Variants in ANK1 observed in about 807,000 individuals in gnomAD.
ANK1 encodes the protein ankyrin-1.
A neutral mutation model predicts 210.4 loss-of-function variants in ANK1; 51 were observed. The observed-to-expected ratio is 0.24, with a 90% CI of 0.19 to 0.31. The LOEUF (loss-of-function observed/expected upper bound fraction) is 0.31, where lower values mean the gene tolerates loss of function less well. ANK1 is among the 10% of genes least tolerant of loss of function. The probability of loss-of-function intolerance (pLI) is 1.00; values close to 1 mark genes in which losing one functional copy is unlikely to be tolerated. For synonymous variants in ANK1, 967 were observed against 1,025.9 expected, an observed-to-expected ratio of 0.94 and a Z score of 1.10; for missense variants, 2,051 against 2,504.4, an observed-to-expected ratio of 0.82 and a Z score of 3.86.
At position 41,836,159 on chromosome 8, in the gene ANK1, G is replaced by A. The variant is rs543603394; in HGVS notation, c.126+60196C>T. Among the ~76,000 whole-genome samples, 53 of 152,356 alleles carry A rather than the reference G, an allele frequency of 3.5e-4. 1 individual carries two copies. Among genetic ancestry groups the A allele is most frequent in the Admixed American group, 7.2e-4 (11 of 15,308 alleles). On this transcript the variant is annotated intron_variant, in intron 1 of 42. Transcript: ENST00000265709. ...CACTCTGGGAGACTCCAACTAGGCC[G>A]GAAGTCCCCCAGAACCCACAGCATC...
At chr8:41,845,696 C>T (rs1019152924) in intron 1 of ANK1, among the ~76,000 whole-genome samples, 1 of 152,080 alleles carries the variant, frequency 6.6e-6, no homozygotes, top group East Asian at 1.9e-4. Flanking sequence ...TTTGCATAAA[C>T]GTGCATAAAT....
Position 41,693,854 on chromosome 8 carries a change from AC to A in ANK1, c.3532+43del, listed in dbSNP as rs1421640994. On this transcript the variant is annotated intron_variant, in intron 29 of 42. Coordinates refer to ENST00000289734, the MANE Select transcript of ANK1 (RefSeq NM_000037.4). Reference sequence around the variant, plus strand: ...CACCCCCCTACTGTGTTCCAGACGCACTGCAGCAGCCGAGAACAGAAGCGAG... The same window carrying A: ...CACCCCCCTACTGTGTTCCAGACGCATGCAGCAGCCGAGAACAGAAGCGAG... 8.3e-6 allele frequency: 13 copies of A among 1,562,042 alleles called. No individual in the cohort carries two copies. The African/African-American group carries it at 1.1e-4, about 13-fold the overall frequency.
At chr8:41,776,254 A>G (rs1844013670) in intron 1 of ANK1, among the ~76,000 whole-genome samples, 1 of 152,198 alleles carries the variant, frequency 6.6e-6, no homozygotes, top group Non-Finnish European at 1.5e-5. Context: ...TAATGTGGCC[A>G]TTCTCTCTAT....
intron 1 of ANK1, among the ~76,000 whole-genome samples, chr8:41,776,516 C>T (rs1342256772): frequency 1.3e-5 from 2 of 152,182 alleles, no homozygotes; most frequent in Non-Finnish European, 2.9e-5. Context: ...CTCCAGGGAG[C>T]TGGTGCTACG....
Position 41,686,348 on chromosome 8 carries a change from A to C in ANK1, c.4259-65T>G, listed in dbSNP as rs971034861. 3 of 1,607,844 alleles carry C rather than the reference A, an allele frequency of 1.9e-6. No homozygotes were observed. The African/African-American group carries it at 4.0e-5, about 22-fold the overall frequency. The stretch of plus-strand genomic sequence containing the variant: ...TCACCAACAGCAGGGGGCCTCCAGC[A>C]CACAGGCTGGGTGGGCACTGGGGCG... On this transcript the variant is annotated intron_variant, in intron 35 of 42. Coordinates refer to ENST00000289734, the MANE Select transcript of ANK1 (RefSeq NM_000037.4).
Position 41,797,279 on chromosome 8 carries a change from C to A in ANK1, c.27+233G>T, listed in dbSNP as rs1848926247. Among the ~76,000 whole-genome samples, 1 of 152,248 alleles carries A rather than the reference C, an allele frequency of 6.6e-6. No homozygotes were observed. Among genetic ancestry groups the A allele is most frequent in the Non-Finnish European group, 1.5e-5 (1 of 68,048 alleles). ...AGGTAGTTGGAACTCAATTTGACAGCAAATCTCTGGATGTAAAAAATATGA... is the reference window on the plus strand; with the variant it reads ...AGGTAGTTGGAACTCAATTTGACAGAAAATCTCTGGATGTAAAAAATATGA... On this transcript the variant is annotated intron_variant, in intron 1 of 42. Coordinates refer to ENST00000289734, the MANE Select transcript of ANK1 (RefSeq NM_000037.4). This position sits in a 1 kb window ranked among gnomAD's most constrained non-coding sequence, Gnocchi z 4.0.
intron 1 of ANK1, among the ~76,000 whole-genome samples, chr8:41,856,924 C>T (rs188796196): frequency 6.9e-6 from 1 of 144,628 alleles, no homozygotes; most frequent in Non-Finnish European, 1.5e-5. Context: ...CCCTGTTGCC[C>T]AGGCTGGAGT....
chr8:41,672,283 C>T, intron 38 of ANK1, 71 bp downstream of exon 38: 1 of 1,547,708 alleles, frequency 6.5e-7, no homozygotes. Context: ...TCTGTCCTCA[C>T]TGCCAGGCAT....
At chr8:41,845,996 A>G (rs1039544298) in intron 1 of ANK1, among the ~76,000 whole-genome samples, 1 of 152,138 alleles carries the variant, frequency 6.6e-6, no homozygotes, top group African/African-American at 2.4e-5. Flanking sequence ...TAGAAGTTTC[A>G]GATTTCAGTG....
At position 41,714,201 on chromosome 8, in the gene ANK1, G is replaced by A. The variant is rs1467760970; in HGVS notation, c.1755C>T (p.Val585=). The A allele has an allele frequency of 6.7e-7, 1 of 1,499,838 alleles. No individual in the cohort carries two copies. Among genetic ancestry groups the A allele is most frequent in the South Asian group, 1.4e-5 (1 of 71,350 alleles). The allele number at this position is 1,499,838 out of a possible 1,614,324, so 92.9% of individuals were successfully genotyped here. The change falls in exon 16 of 43, where the codon GTC becomes GTT. Residue 585 remains valine, a synonymous_variant. Transcript: ENST00000289734. ...AGCCGCCCCGGGGAAGCAGCAGCTT[G>A]ACGATGTCCAGGTTGTTGTGATGGA... is the stretch of plus-strand genomic sequence containing the variant. ...VAVHHNNLDI[V]KLLLPRGGSP... is the part of the protein sequence containing the mutation.
At chr8:41,738,764 C>G (rs1201572642) in intron 2 of ANK1, among the ~76,000 whole-genome samples, 1 of 152,198 alleles carries the variant, frequency 6.6e-6, no homozygotes, top group Non-Finnish European at 1.5e-5. Flanking sequence ...TAAAAGGCAG[C>G]TTGCTGAGAC....
intron 1 of ANK1, among the ~76,000 whole-genome samples, chr8:41,767,528 G>T (rs1164549225): frequency 1.3e-5 from 2 of 152,162 alleles, no homozygotes; most frequent in African/African-American, 4.8e-5. Flanking sequence ...CCCTGGCCCT[G>T]CGCTCTCCCG....
At chr8:41,850,067 A>G (rs1587411897) in intron 1 of ANK1, among the ~76,000 whole-genome samples, 1 of 151,858 alleles carries the variant, frequency 6.6e-6, no homozygotes, top group East Asian at 1.9e-4. Flanking sequence ...TGAGATCCTC[A>G]CCCTCCTGCC....
intron 1 of ANK1, among the ~76,000 whole-genome samples, chr8:41,895,250 G>A (rs1820244544): frequency 6.6e-6 from 1 of 152,192 alleles, no homozygotes; most frequent in Non-Finnish European, 1.5e-5. Context: ...AAGCCTGAGG[G>A]GCCCCACTCC....
intron 1 of ANK1, among the ~76,000 whole-genome samples, chr8:41,790,870 G>A (rs1007208860): frequency 4.6e-5 from 7 of 152,138 alleles, no homozygotes; most frequent in African/African-American, 9.7e-5. Context: ...AGTCCCAAGC[G>A]GGACTTAGAC....
intron 1 of ANK1, among the ~76,000 whole-genome samples, chr8:41,830,346 G>A (rs1238303066): frequency 6.7e-6 from 1 of 149,586 alleles, no homozygotes; most frequent in African/African-American, 2.5e-5. Context: ...TCCCTCTGGG[G>A]TCATTTGTTC....
At chr8:41,755,016 G>A (rs1042205754) in intron 2 of ANK1, among the ~76,000 whole-genome samples, 2 of 152,214 alleles carry the variant, frequency 1.3e-5, no homozygotes, top group Admixed American at 6.5e-5. Flanking sequence ...CCCTTCTGAC[G>A]CTCATTTCAT....
intron 20 of ANK1, among the ~76,000 whole-genome samples, chr8:41,702,649 A>G (rs1823183498): frequency 6.6e-6 from 1 of 152,240 alleles, no homozygotes; most frequent in South Asian, 2.1e-4. Flanking sequence ...GAAATACAGC[A>G]AGGGCATATT....
In ANK1 at chr8:41,887,870, T is replaced by C. The variant is rs182595416; in HGVS notation, c.126+8485A>G. Among the ~76,000 whole-genome samples, 32 of 152,384 alleles carry C rather than the reference T, an allele frequency of 2.1e-4. No homozygotes were observed. In the Middle Eastern group the frequency reaches 0.014, roughly 65 times the overall value. ...GTAAAATACGTCACCACATGGGTGA[T>C]GGCACCAAAGTCCTGTCTTTAAGAG... On this transcript the variant is annotated intron_variant, in intron 1 of 42. Transcript: ENST00000265709.
Sources: gnomAD v4.1 joint callset for allele counts (sites outside exome capture counted in the v4.1 genomes callset) on GRCh38, gnomAD v4.1.1 for gene constraint, Gnocchi (gnomAD v3.1) non-coding constraint, MANE v1.5 for transcripts, NCBI Gene and HGNC (gene_info 2026-07-23, HGNC 2026-07-21) for gene names.